Variants in DLGAP2 observed in about 807,000 individuals in gnomAD.
DLGAP2 encodes DLG associated protein 2, also known as disks large-associated protein 2.
In DLGAP2, 26 loss-of-function variants were observed where a neutral mutation model predicts 100.3. That is an observed-to-expected ratio of 0.26 (90% CI 0.19 to 0.36). The LOEUF (loss-of-function observed/expected upper bound fraction) is 0.36. Among genes scored for constraint, DLGAP2 ranks in the 10% least tolerant of loss-of-function variants. The pLI, the probability that DLGAP2 is intolerant of heterozygous loss-of-function variation, is 1.00. For synonymous variants in DLGAP2, 886 were observed against 630.1 expected, an observed-to-expected ratio of 1.41 and a Z score of -6.08; for missense variants, 1,858 against 1,453.2, an observed-to-expected ratio of 1.28 and a Z score of -4.53.
At chr8:1,216,695 T>C (rs1219509846) in intron 2 of DLGAP2, among the ~76,000 whole-genome samples, 1 of 152,106 alleles carries the variant, frequency 6.6e-6, no homozygotes, top group Non-Finnish European at 1.5e-5. Flanking sequence ...AACTGCACTA[T>C]ACGATCTCAT....
intron 2 of DLGAP2, among the ~76,000 whole-genome samples, chr8:1,162,624 C>T (rs1796913674): frequency 1.3e-5 from 2 of 152,204 alleles, no homozygotes; most frequent in Non-Finnish European, 2.9e-5. Flanking sequence ...CTTGAAGTTC[C>T]ATCTTAGGGC....
rs780012185 is a variant in DLGAP2 at position 1,683,266 on chromosome 8, C to T, written c.2704+4637C>T. On this transcript the variant is annotated intron_variant, in intron 12 of 14. Transcript: ENST00000637795. ...TGGCACTGTGCTGGGCCTTGACACG[C>T]GGTTGGATTTGGTCAAGGTGGTGGA... Among the ~76,000 whole-genome samples, 40 of 151,614 alleles carry T rather than the reference C, an allele frequency of 2.6e-4. 3 individuals are homozygous for T. Among genetic ancestry groups the T allele is most frequent in the Non-Finnish European group, 4.9e-4 (33 of 67,682 alleles).
At chr8:1,504,309 C>A (rs910422253) in intron 4 of DLGAP2, among the ~76,000 whole-genome samples, 20 of 151,904 alleles carry the variant, frequency 1.3e-4, no homozygotes, top group African/African-American at 4.8e-4. Flanking sequence ...GTATAGTATA[C>A]AACGTGATGT....
intron 2 of DLGAP2, among the ~76,000 whole-genome samples, chr8:988,369 A>T (rs933744242): frequency 2.6e-5 from 4 of 152,178 alleles, no homozygotes; most frequent in African/African-American, 9.7e-5. Flanking sequence ...GTCATTCTTT[A>T]TTCTTCTCTC....
At chr8:771,566 G>A (rs538710901) in intron 1 of DLGAP2, among the ~76,000 whole-genome samples, 1 of 152,184 alleles carries the variant, frequency 6.6e-6, no homozygotes, top group African/African-American at 2.4e-5. Flanking sequence ...GCAACTTTCA[G>A]TTCCAAATTA....
At chr8:1,433,905 G>A (rs1484938547) in intron 3 of DLGAP2, among the ~76,000 whole-genome samples, 1 of 152,052 alleles carries the variant, frequency 6.6e-6, no homozygotes, top group Non-Finnish European at 1.5e-5. Flanking sequence ...GGTCCCTGGG[G>A]TCCTTACACT....
In DLGAP2 at chr8:1,704,051, G is replaced by C. The variant is rs574981522; in HGVS notation, c.*2645G>C. 1 of 152,636 alleles carries C rather than the reference G, an allele frequency of 6.6e-6. No individual in the cohort carries two copies. Among genetic ancestry groups the C allele is most frequent in the Non-Finnish European group, 1.5e-5 (1 of 68,032 alleles). 9.5% of individuals were successfully genotyped at this position (152,636 alleles called of 1,614,324 possible). ...AGGTGACATTCTACCATGAAACGCA[G>C]AAGATAAGCCATGTTTCTGTATTGT... On this transcript the variant is annotated 3_prime_UTR_variant, in exon 15 of 15. Coordinates refer to ENST00000637795, the MANE Select transcript of DLGAP2 (RefSeq NM_001346810.2).
intron 6 of DLGAP2, among the ~76,000 whole-genome samples, chr8:1,570,787 T>C (rs1171730525): frequency 1.6e-5 from 2 of 122,468 alleles, no homozygotes; most frequent in Non-Finnish European, 3.3e-5. Context: ...TCTGATGAGA[T>C]GGAGAGGAGA....
intron 2 of DLGAP2, among the ~76,000 whole-genome samples, chr8:1,200,502 G>A (rs1476805609): frequency 6.6e-6 from 1 of 152,154 alleles, no homozygotes. Flanking sequence ...CTCCTCGGGG[G>A]CTGAAGGGCC....
chr8:1,499,416 T>C (rs1026875141), intron 3 of DLGAP2, among the ~76,000 whole-genome samples: 1 of 152,178 alleles, frequency 6.6e-6, no homozygotes, highest in Non-Finnish European at 1.5e-5. Flanking sequence ...CAAATTCCTT[T>C]CTCACACAGC....
intron 1 of DLGAP2, among the ~76,000 whole-genome samples, chr8:772,033 G>C (rs200447264): frequency 3.3e-5 from 5 of 152,190 alleles, no homozygotes; most frequent in East Asian, 1.9e-4. Context: ...CTCTCGAGTA[G>C]CTGGGACTAA....
At chr8:1,119,625 T>C (rs1795989589) in intron 2 of DLGAP2, among the ~76,000 whole-genome samples, 1 of 152,250 alleles carries the variant, frequency 6.6e-6, no homozygotes, top group Non-Finnish European at 1.5e-5. Context: ...ACACACGCTG[T>C]TTCCTCATGT....
At chr8:1,376,641 C>T (rs2129739084) in intron 3 of DLGAP2, among the ~76,000 whole-genome samples, 1 of 152,212 alleles carries the variant, frequency 6.6e-6, no homozygotes, top group East Asian at 1.9e-4. Flanking sequence ...CACAGGGCTG[C>T]CAAGACCCTC....
intron 14 of DLGAP2, 34 bp from the exon 15 acceptor site, chr8:1,701,154 G>A: frequency 1.3e-6 from 2 of 1,543,050 alleles, no homozygotes; most frequent in Non-Finnish European, 1.7e-6. Context: ...CCTCCTCCGA[G>A]CACCTGCCAA....
At chr8:1,559,792 T>G (rs779120132) in intron 5 of DLGAP2, among the ~76,000 whole-genome samples, 2 of 152,058 alleles carry the variant, frequency 1.3e-5, no homozygotes, top group African/African-American at 2.4e-5. Flanking sequence ...CCCAGGAGAG[T>G]GGCAGCGTGA....
intron 2 of DLGAP2, among the ~76,000 whole-genome samples, chr8:917,026 G>T (rs1050342769): frequency 6.6e-6 from 1 of 152,234 alleles, no homozygotes; most frequent in Non-Finnish European, 1.5e-5. Context: ...AGAAGAAGGT[G>T]TGAGAGGCAG....
chr8:892,753 G>A (rs1055161830), intron 1 of DLGAP2, among the ~76,000 whole-genome samples: 6 of 152,172 alleles, frequency 3.9e-5, no homozygotes, highest in Admixed American at 1.3e-4. Flanking sequence ...AGGAGAGGCC[G>A]AGCCAGGCAG....
At chr8:1,104,966 G>A (rs1804708148) in intron 2 of DLGAP2, 1 of 152,208 alleles carries the variant, frequency 6.6e-6, no homozygotes, top group Admixed American at 6.5e-5. Context: ...CGACTCGCCA[G>A]ACGCCCTGGA....
intron 3 of DLGAP2, among the ~76,000 whole-genome samples, chr8:1,410,662 A>C (rs1284501969): frequency 1.3e-5 from 2 of 152,206 alleles, no homozygotes. Flanking sequence ...GCAGCACATA[A>C]GTGTGTTTCA....
Sources: gnomAD v4.1 joint callset for allele counts (sites outside exome capture counted in the v4.1 genomes callset) on GRCh38, gnomAD v4.1.1 for gene constraint, MANE v1.5 for transcripts, NCBI Gene and HGNC (gene_info 2026-07-23, HGNC 2026-07-21) for gene names.